Variants in GLT8D1 observed in about 807,000 individuals in gnomAD.
The protein encoded by GLT8D1 is glycosyltransferase 8 domain containing 1, also known as glycosyltransferase 8 domain-containing protein 1.
GLT8D1 carries 41 observed loss-of-function variants against 46.2 expected under a neutral mutation model. That is an observed-to-expected ratio of 0.89 (90% CI 0.69 to 1.15). The LOEUF (loss-of-function observed/expected upper bound fraction) is 1.15, where lower values mean the gene tolerates loss of function less well. Among genes scored for constraint, GLT8D1 ranks in the 50% most tolerant of loss-of-function variants. The probability of loss-of-function intolerance (pLI) is 0.00; values close to 1 mark genes in which losing one functional copy is unlikely to be tolerated. For missense variants in GLT8D1, 408 were observed against 449.3 expected (o/e 0.91, Z 0.83); for synonymous variants, 150 against 154.2 (o/e 0.97, Z 0.20).
At chr3:52,695,787 A>G in intron 7 of GLT8D1, 141 bp downstream of exon 7, 1 of 646,650 alleles carries the variant, frequency 1.5e-6, no homozygotes, top group Non-Finnish European at 2.8e-6. Context: ...AAGTCCATGA[A>G]GAAGTCTACA....
chr3:52,704,778 A>T (rs1176297092), intron 1 of GLT8D1: 1 of 152,396 alleles, frequency 6.6e-6, no homozygotes, highest in Admixed American at 6.5e-5. Context: ...AGCCTCCTCC[A>T]AACTCCACGT....
At chr3:52,702,259 G>A (rs953180860) in intron 1 of GLT8D1, among the ~76,000 whole-genome samples, 13 of 152,186 alleles carry the variant, frequency 8.5e-5, no homozygotes, top group African/African-American at 3.1e-4. Context: ...AAAAAATTGG[G>A]GGCTGGGCAC....
In GLT8D1 at chr3:52,694,632, C is replaced by T. The variant is rs995185389; in HGVS notation, c.*213G>A. 9.8e-6 allele frequency: 6 copies of T among 611,418 alleles called. No homozygotes were observed. The highest frequency in any genetic ancestry group is 5.6e-5 in the Admixed American group (2 of 35,978). 37.9% of individuals were successfully genotyped at this position (611,418 alleles called of 1,614,324 possible). A position where few individuals can be genotyped will look rare whatever the true frequency, so the allele number is the denominator to read the frequency against. The stretch of plus-strand genomic sequence containing the variant: ...GTCATTCAGCATTGTAGTAAGAAAA[C>T]ACTTGGTAAGGCAGATGGAGACATA... On this transcript the variant is annotated 3_prime_UTR_variant, in exon 10 of 10. Coordinates refer to ENST00000266014, the MANE Select transcript of GLT8D1 (RefSeq NM_018446.4).
intron 1 of GLT8D1, among the ~76,000 whole-genome samples, chr3:52,701,646 C>G (rs1230666330): frequency 6.6e-6 from 1 of 152,018 alleles, no homozygotes; most frequent in South Asian, 2.1e-4. Flanking sequence ...AGATTACAGG[C>G]GTGAGCCACC....
intron 9 of GLT8D1, 30 bp from the exon 10 acceptor site, chr3:52,695,065 G>A (rs751863762): frequency 9.8e-6 from 15 of 1,533,060 alleles, no homozygotes; most frequent in Non-Finnish European, 1.4e-5. Context: ...TAGCCACATC[G>A]TTGCGCCATG....
intron 8 of GLT8D1, 39 bp from the exon 9 acceptor site, chr3:52,695,341 T>C: frequency 6.3e-7 from 1 of 1,585,412 alleles, no homozygotes; most frequent in Non-Finnish European, 8.7e-7. Flanking sequence ...TAGTGAAAAG[T>C]ACTGACTAAC....
At chr3:52,705,110 T>C (rs1338237841) in intron 1 of GLT8D1, 1 of 152,304 alleles carries the variant, frequency 6.6e-6, no homozygotes, top group Non-Finnish European at 1.5e-5. Context: ...AGGCCCGGGT[T>C]CCTCAGAACG....
Position 52,700,353 on chromosome 3 carries a change from G to C in GLT8D1, c.24C>G (p.Ile8Met), listed in dbSNP as rs1430292468. 1.2e-6 allele frequency: 2 copies of C among 1,611,888 alleles called. No homozygotes were observed. The highest frequency in any genetic ancestry group is 1.7e-5 in the Admixed American group (1 of 59,926). ...GAGCAACAGCCAGGACCAAGATGAT[G>C]ATGTTTACTGAAATAGATAGGGAAA... MSFRKVN[I>M]IILVLAVALF... Residue 8 changes from isoleucine to methionine, a missense_variant, in exon 3 of 10, where the codon ATC (isoleucine) becomes ATG (methionine). Transcript: ENST00000266014.
intron 3 of GLT8D1, among the ~76,000 whole-genome samples, chr3:52,699,922 C>T (rs2097337850): frequency 6.6e-6 from 1 of 152,136 alleles, no homozygotes; most frequent in Non-Finnish European, 1.5e-5. Context: ...TTTTAAAAAT[C>T]ACTTGACAAA....
chr3:52,695,958 A>G lies in GLT8D1; in HGVS notation c.615T>C (p.Thr205=). 6.2e-7 allele frequency: 1 copy of G among 1,610,058 alleles called. No homozygotes were observed. The highest frequency in any genetic ancestry group is 8.5e-7 in the Non-Finnish European group (1 of 1,176,234). Residue 205 remains threonine, a synonymous_variant, in exon 7 of 10, where the codon ACT becomes ACC. Coordinates refer to ENST00000266014, the MANE Select transcript of GLT8D1 (RefSeq NM_018446.4). The part of the protein sequence containing the change: ...AFSEDCDSAS[T]KVVIRGAGNQ... ...TTCCTGCTCCACGGATGACAACTTT[A>G]GTAGAGGCTGAATCACAATCTTCTG...
Position 52,705,762 on chromosome 3 carries a change from C to A in GLT8D1, c.-352G>T. On this transcript the variant is annotated 5_prime_UTR_variant, in exon 1 of 10. Transcript: ENST00000266014. ...CGCCCAGCCAGCCCGCAGCGGTAAC[C>A]GCTAGAGCGTCGCGCCAAGCAGGCG... The A allele has an allele frequency of 1.8e-6, 2 of 1,119,900 alleles. No individual in the cohort carries two copies. The highest frequency in any genetic ancestry group is 2.3e-6 in the Non-Finnish European group (2 of 870,188). The allele number at this position is 1,119,900 out of a possible 1,614,324, so 69.4% of individuals were successfully genotyped here. A position where few individuals can be genotyped will look rare whatever the true frequency, so the allele number is the denominator to read the frequency against.
chr3:52,701,217 T>C (rs1316408250), intron 1 of GLT8D1: 1 of 152,050 alleles, frequency 6.6e-6, no homozygotes, highest in South Asian at 2.1e-4. Context: ...ACCTTTAACA[T>C]GAGTGTCCTC....
chr3:52,704,446 G>T (rs1222623323), intron 1 of GLT8D1, among the ~76,000 whole-genome samples: 8 of 126,388 alleles, frequency 6.3e-5, no homozygotes, highest in Non-Finnish European at 1.1e-4. Flanking sequence ...GCAACAGAGC[G>T]AGTCTTCGCC....
In GLT8D1 at chr3:52,695,416, CT is replaced by C. The variant is rs2097332178; in HGVS notation, c.812+4del. 6.2e-7 allele frequency: 1 copy of C among 1,612,438 alleles called. No homozygotes were observed. The highest frequency in any genetic ancestry group is 1.7e-5 in the Admixed American group (1 of 59,948). On this transcript the variant is annotated splice_donor_region_variant and intron_variant, in intron 8 of 9. Transcript: ENST00000266014. ...TTTTCACAGCTAGGCCAGTTACATA[CT>C]TACTCTACATTGAGTTTCATCCATT...
Position 52,697,709 on chromosome 3 carries a change from A to G in GLT8D1, c.329+12T>C. 6.4e-7 allele frequency: 1 copy of G among 1,566,958 alleles called. No homozygotes were observed. The highest frequency in any genetic ancestry group is 8.8e-7 in the Non-Finnish European group (1 of 1,137,100). On this transcript the variant is annotated intron_variant, in intron 4 of 9. Coordinates refer to ENST00000266014, the MANE Select transcript of GLT8D1 (RefSeq NM_018446.4). ...CATCCTCTAGAAGCAGAATCACATAAGCAGAGCTCACCGGAGATGGTCTGC... is the reference window on the plus strand; with the variant it reads ...CATCCTCTAGAAGCAGAATCACATAGGCAGAGCTCACCGGAGATGGTCTGC...
chr3:52,695,907 G>A (rs1432663933), intron 7 of GLT8D1, 21 bp downstream of exon 7: 4 of 1,306,754 alleles, frequency 3.1e-6, no homozygotes, highest in South Asian at 2.4e-5. Flanking sequence ...TAGGAAGAGG[G>A]GTGTTTGGTA....
At chr3:52,700,161 A>G in intron 3 of GLT8D1, 101 bp downstream of exon 3, 1 of 722,888 alleles carries the variant, frequency 1.4e-6, no homozygotes, top group Non-Finnish European at 2.4e-6. Context: ...TTAACAAACA[A>G]CTGCTAGTAC....
Position 52,705,737 on chromosome 3 carries a change from C to T in GLT8D1, c.-327G>A, listed in dbSNP as rs1578598695. 4.7e-6 allele frequency: 4 copies of T among 858,414 alleles called. No homozygotes were observed. The highest frequency in any genetic ancestry group is 7.0e-5 in the South Asian group (2 of 28,604). The allele number at this position is 858,414 out of a possible 1,614,324, so 53.2% of individuals were successfully genotyped here. A position where few individuals can be genotyped will look rare whatever the true frequency, so the allele number is the denominator to read the frequency against. The stretch of plus-strand genomic sequence containing the variant: ...CCGTGGCAGCCGCGCAGCCCCACTA[C>T]GCCCAGCCAGCCCGCAGCGGTAACC... On this transcript the variant is annotated 5_prime_UTR_variant, in exon 1 of 10. Transcript: ENST00000266014.
chr3:52,696,412 G>T (rs2097333641), intron 5 of GLT8D1, 94 bp from the exon 6 acceptor site: 2 of 1,051,602 alleles, frequency 1.9e-6, no homozygotes, highest in African/African-American at 1.6e-5. Context: ...ACCCATTCAG[G>T]AGAAGAAAGG....
Sources: gnomAD v4.1 joint callset for allele counts (sites outside exome capture counted in the v4.1 genomes callset) on GRCh38, gnomAD v4.1.1 for gene constraint, MANE v1.5 for transcripts, NCBI Gene and HGNC (gene_info 2026-07-23, HGNC 2026-07-21) for gene names.